HDAC4: variants seen among roughly 807,000 people sequenced by gnomAD.
HDAC4 encodes histone deacetylase A.
Under a neutral mutation model 135.1 loss-of-function variants are expected in HDAC4, and 16 were observed. The ratio of observed to expected loss-of-function variants is 0.12; its 90% CI spans 0.08 to 0.18. HDAC4 has a LOEUF of 0.18. Ranked by LOEUF, HDAC4 falls within the 10% of genes least tolerant of loss-of-function variation. The pLI, the probability that HDAC4 is intolerant of heterozygous loss-of-function variation, is 1.00. For synonymous variants in HDAC4, 685 were observed against 653.4 expected (o/e 1.05, Z -0.74); for missense variants, 1,143 against 1,511.8 (o/e 0.76, Z 4.05).
At chr2:239,193,541 G>C (rs2045152067) in intron 3 of HDAC4, among the ~76,000 whole-genome samples, 1 of 152,256 alleles carries the variant, frequency 6.6e-6, no homozygotes. Context: ...CTCACCGAGG[G>C]CAGGGGCTGC....
chr2:239,322,823 C>T (rs554558775), intron 2 of HDAC4, among the ~76,000 whole-genome samples: 2 of 152,274 alleles, frequency 1.3e-5, no homozygotes, highest in South Asian at 2.1e-4. Context: ...CTTCGATAAG[C>T]GACGTCACCA....
chr2:239,094,373 T>C, intron 17 of HDAC4: 1 of 985,424 alleles, frequency 1.0e-6, no homozygotes, highest in South Asian at 4.7e-5. Flanking sequence ...GGAAAGTCCT[T>C]GTGAACTTAT....
intron 1 of HDAC4, among the ~76,000 whole-genome samples, chr2:239,384,961 G>A (rs555004860): frequency 2.0e-5 from 3 of 152,278 alleles, no homozygotes; most frequent in African/African-American, 7.2e-5. Flanking sequence ...ATGGGGAGGT[G>A]CACACCCAAG....
chr2:239,268,661 C>A (rs1401691065), intron 2 of HDAC4, among the ~76,000 whole-genome samples: 1 of 152,208 alleles, frequency 6.6e-6, no homozygotes, highest in African/African-American at 2.4e-5. Context: ...GGTGACCACC[C>A]ATTTCCTGTC....
intron 3 of HDAC4, among the ~76,000 whole-genome samples, chr2:239,222,182 A>G (rs1370277811): frequency 2.0e-5 from 3 of 152,124 alleles, no homozygotes; most frequent in Non-Finnish European, 4.4e-5. Flanking sequence ...TTCTCGTGGA[A>G]TTCCGTGTGC....
intron 24 of HDAC4, among the ~76,000 whole-genome samples, chr2:239,061,394 G>A (rs1370881317): frequency 6.6e-6 from 1 of 151,760 alleles, no homozygotes; most frequent in Non-Finnish European, 1.5e-5. Flanking sequence ...CGTGTGTGTG[G>A]TGTGTGCATG....
intron 23 of HDAC4, among the ~76,000 whole-genome samples, chr2:239,067,927 G>A (rs997120071): frequency 7.9e-5 from 12 of 152,184 alleles, no homozygotes; most frequent in Non-Finnish European, 1.5e-4. Context: ...TGGGGGAGGC[G>A]GCCAGGCCTT....
chr2:239,052,900 C>A lies in HDAC4; in HGVS notation c.*197G>T, dbSNP rs934835520. 6.3e-6 allele frequency: 4 copies of A among 638,890 alleles called. No homozygotes were observed. The African/African-American group carries it at 7.3e-5, about 12-fold the overall frequency. The allele number at this position is 638,890 out of a possible 1,614,324, so 39.6% of individuals were successfully genotyped here. On this transcript the variant is annotated 3_prime_UTR_variant, in exon 27 of 27. Coordinates refer to ENST00000543185, the MANE Select transcript of HDAC4 (RefSeq NM_001378414.1). ...TCCCGTGTTCCCTGTGAGGCTGCCA[C>A]GCCCAGGCGTGCATGTGCGTCTCGA...
intron 2 of HDAC4, among the ~76,000 whole-genome samples, chr2:239,247,049 T>C (rs892407480): frequency 5.9e-5 from 9 of 152,264 alleles, no homozygotes; most frequent in Non-Finnish European, 1.3e-4. Context: ...ACAGCTAATG[T>C]AAAATAGTTT....
chr2:239,397,773 T>C (rs879891649), intron 1 of HDAC4, among the ~76,000 whole-genome samples: 20 of 152,178 alleles, frequency 1.3e-4, no homozygotes, highest in African/African-American at 2.4e-4. Flanking sequence ...GAAACGCTTA[T>C]GAATGAGTTA....
At chr2:239,233,828 C>T (rs576377117) in intron 3 of HDAC4, among the ~76,000 whole-genome samples, 1 of 152,216 alleles carries the variant, frequency 6.6e-6, no homozygotes, top group Non-Finnish European at 1.5e-5. Flanking sequence ...ACAGTGACTG[C>T]TGGAGTCATT....
chr2:239,236,759 A>G, intron 2 of HDAC4, 95 bp from the exon 3 acceptor site: 4 of 830,710 alleles, frequency 4.8e-6, no homozygotes, highest in South Asian at 1.4e-5. Flanking sequence ...TCCCCAAACA[A>G]TGAAATGCAT....
chr2:239,075,287 T>G (rs2034629704), intron 22 of HDAC4, among the ~76,000 whole-genome samples: 1 of 151,094 alleles, frequency 6.6e-6, no homozygotes, highest in Non-Finnish European at 1.5e-5. Flanking sequence ...ATTGAGATGT[T>G]TGCCGTGGGC....
At chr2:239,092,753 C>T (rs888194822) in intron 17 of HDAC4, among the ~76,000 whole-genome samples, 2 of 152,160 alleles carry the variant, frequency 1.3e-5, no homozygotes, top group African/African-American at 2.4e-5. Context: ...CTGGCTCAGG[C>T]GTGCAGCGCC....
intron 16 of HDAC4, among the ~76,000 whole-genome samples, chr2:239,096,372 C>T (rs1327230669): frequency 7.4e-6 from 1 of 135,446 alleles, no homozygotes; most frequent in Admixed American, 7.5e-5. Context: ...TGCCTGCAAC[C>T]CCCCCCGACA....
intron 2 of HDAC4, among the ~76,000 whole-genome samples, chr2:239,290,626 TAC>T (rs1314216877): frequency 6.6e-6 from 1 of 152,020 alleles, no homozygotes; most frequent in Non-Finnish European, 1.5e-5. Flanking sequence ...AGCAGTCACG[TAC>T]ACACATGTAC....
Position 239,303,253 on chromosome 2 carries a change from C to G in HDAC4, c.22+49425G>C, listed in dbSNP as rs1376033112. On this transcript the variant is annotated intron_variant, in intron 2 of 26. Transcript: ENST00000543185. The surrounding 1 kb of genome is among the most constrained non-coding windows in gnomAD (Gnocchi z 5.1). ...AGGGACAGGCCTGGAGGACAAGGTC[C>G]CTGGAATCCCCGACAGCTTGACAAT... Among the ~76,000 whole-genome samples, 2 of 152,250 alleles carry G rather than the reference C, an allele frequency of 1.3e-5. No individual in the cohort carries two copies. Among genetic ancestry groups the G allele is most frequent in the African/African-American group, 4.8e-5 (2 of 41,462 alleles).
At chr2:239,233,120 G>A (rs1168116346) in intron 3 of HDAC4, among the ~76,000 whole-genome samples, 1 of 152,260 alleles carries the variant, frequency 6.6e-6, no homozygotes, top group East Asian at 1.9e-4. Flanking sequence ...CTTAGTGGTA[G>A]GCAAATGGTT....
chr2:239,282,993 TACAATGTACATACCACTCTACAC>T (rs1385189789), intron 2 of HDAC4, among the ~76,000 whole-genome samples: 1 of 151,122 alleles, frequency 6.6e-6, no homozygotes, highest in African/African-American at 2.4e-5. Context: ...CGTACCACTC[TACAATGTACATACCACTCTACAC>T]ACAATGTACA....
Sources: gnomAD v4.1 joint callset for allele counts (sites outside exome capture counted in the v4.1 genomes callset) on GRCh38, gnomAD v4.1.1 for gene constraint, Gnocchi (gnomAD v3.1) non-coding constraint, MANE v1.5 for transcripts, NCBI Gene and HGNC (gene_info 2026-07-23, HGNC 2026-07-21) for gene names.